The following MEGF10 variants were observed in gnomAD, a reference collection of about 807,000 sequenced individuals.
MEGF10 encodes the protein multiple epidermal growth factor-like domains protein 10.
Under a neutral mutation model 147.5 loss-of-function variants are expected in MEGF10, and 86 were observed. The observed-to-expected ratio is 0.58, with a 90% confidence interval of 0.49 to 0.70. The LOEUF (loss-of-function observed/expected upper bound fraction) is 0.70. Ranked by LOEUF, MEGF10 falls within the 30% of genes least tolerant of loss-of-function variation. MEGF10 has a pLI of 0.00. For synonymous variants in MEGF10, 478 were observed against 525.5 expected, an observed-to-expected ratio of 0.91 and a Z score of 1.24; for missense variants, 1,329 against 1,487.3, an observed-to-expected ratio of 0.89 and a Z score of 1.75.
chr5:127,256,478 T>C, the MEGF10 span, among the ~76,000 whole-genome samples: 2 of 152,182 alleles, frequency 1.3e-5, no homozygotes, highest in African/African-American at 4.8e-5. Context: ...ATATCCTTTA[T>C]CCTTGATGTT....
chr5:127,264,565 C>T, the MEGF10 span, among the ~76,000 whole-genome samples: 1 of 152,070 alleles, frequency 6.6e-6, no homozygotes, highest in South Asian at 2.1e-4. Context: ...CTCCTTCTCT[C>T]TGTGTCTTCG....
At chr5:127,281,874 T>C in the MEGF10 span, among the ~76,000 whole-genome samples, 2 of 152,214 alleles carry the variant, frequency 1.3e-5, no homozygotes, top group African/African-American at 4.8e-5. Flanking sequence ...GCTGTGCTCC[T>C]CCACTAGCAG....
At chr5:127,238,866 T>A in the MEGF10 span, among the ~76,000 whole-genome samples, 1,381 of 152,318 alleles carry the variant, frequency 9.1e-3, 30 homozygotes, top group African/African-American at 0.032. Context: ...GCAGTCCTTG[T>A]CTGGTTTCCA....
chr5:127,302,488 G>A (rs1479147643), intron 1 of MEGF10, among the ~76,000 whole-genome samples: 1 of 152,178 alleles, frequency 6.6e-6, no homozygotes, highest in Non-Finnish European at 1.5e-5. Flanking sequence ...AAAATTAGGA[G>A]TGACTGTTTG....
the MEGF10 span, among the ~76,000 whole-genome samples, chr5:127,241,357 C>A: frequency 6.6e-6 from 1 of 152,124 alleles, no homozygotes; most frequent in African/African-American, 2.4e-5. Flanking sequence ...TTGCTACTGT[C>A]ATTCTCAGGT....
chr5:127,424,061 T>G (rs1170281155), intron 13 of MEGF10, among the ~76,000 whole-genome samples: 2 of 152,190 alleles, frequency 1.3e-5, no homozygotes, highest in Non-Finnish European at 2.9e-5. Context: ...CAATATGAGG[T>G]AGGGGTCCAA....
At chr5:127,400,774 C>T (rs1319592417) in intron 7 of MEGF10, among the ~76,000 whole-genome samples, 1 of 152,256 alleles carries the variant, frequency 6.6e-6, no homozygotes, top group South Asian at 2.1e-4. Flanking sequence ...CAGATGGACC[C>T]CTCCCTAGCA....
At chr5:127,455,979 G>A (rs796109560) in intron 24 of MEGF10, among the ~76,000 whole-genome samples, 28 of 152,162 alleles carry the variant, frequency 1.8e-4, no homozygotes, top group African/African-American at 5.3e-4. Flanking sequence ...TGTTTTTAGC[G>A]ATCATATTAA....
At chr5:127,362,935 T>C (rs548915136) in intron 4 of MEGF10, among the ~76,000 whole-genome samples, 1 of 152,316 alleles carries the variant, frequency 6.6e-6, no homozygotes, top group Admixed American at 6.5e-5. Context: ...AACTGTTAGT[T>C]GTATTGTTTT....
intron 4 of MEGF10, among the ~76,000 whole-genome samples, chr5:127,346,548 T>G (rs943886119): frequency 1.1e-4 from 17 of 152,184 alleles, no homozygotes; most frequent in Non-Finnish European, 2.2e-4. Context: ...CACTTTTTGA[T>G]GGGATTGTTT....
At chr5:127,306,769 C>A (rs1400811453) in intron 1 of MEGF10, among the ~76,000 whole-genome samples, 1 of 152,204 alleles carries the variant, frequency 6.6e-6, no homozygotes, top group African/African-American at 2.4e-5. Flanking sequence ...GCGGAGCTAC[C>A]TAAGGAGAGA....
chr5:127,296,410 A>G (rs1368943338), intron 1 of MEGF10, among the ~76,000 whole-genome samples: 1 of 152,200 alleles, frequency 6.6e-6, no homozygotes, highest in African/African-American at 2.4e-5. Context: ...TCAATTTCCT[A>G]CTTAGAGGGC....
intron 4 of MEGF10, among the ~76,000 whole-genome samples, chr5:127,357,763 G>A (rs1003558613): frequency 6.6e-6 from 1 of 151,980 alleles, no homozygotes; most frequent in African/African-American, 2.4e-5. Flanking sequence ...GGGTTTTAGG[G>A]CCCATACAAT....
chr5:127,281,069 C>T, the MEGF10 span, among the ~76,000 whole-genome samples: 2,510 of 152,268 alleles, frequency 0.016, 59 homozygotes, highest in East Asian at 0.086. Flanking sequence ...GTGTCCAGGG[C>T]TGAAGGCATT....
chr5:127,237,706 G>T, the MEGF10 span, among the ~76,000 whole-genome samples: 1 of 152,074 alleles, frequency 6.6e-6, no homozygotes, highest in Non-Finnish European at 1.5e-5. Context: ...AAGCCTGTGA[G>T]TGGTAGAAAG....
At chr5:127,274,966 C>T in the MEGF10 span, among the ~76,000 whole-genome samples, 1 of 152,038 alleles carries the variant, frequency 6.6e-6, no homozygotes, top group East Asian at 1.9e-4. Context: ...AAATTATAAG[C>T]CTCATATTCT....
chr5:127,415,353 T>C (rs1443979286), intron 9 of MEGF10, among the ~76,000 whole-genome samples: 1 of 152,150 alleles, frequency 6.6e-6, no homozygotes, highest in African/African-American at 2.4e-5. Context: ...TATTAAACAG[T>C]CTGGATTTTT....
At position 127,303,335 on chromosome 5, in the gene MEGF10, C is replaced by CAAAAAAAAAA. The variant is rs1174955274; in HGVS notation, c.-19+12290_-19+12299dup. ...TGGACAACAGATCGAGACTCCATGTCAAAAAAAAAAAAAAAAAAAAGCAAT... is the reference window on the plus strand; with the variant it reads ...TGGACAACAGATCGAGACTCCATGTCAAAAAAAAAAAAAAAAAAAAAAAAAAAAAAGCAAT... On this transcript the variant is annotated intron_variant, in intron 1 of 24. Transcript: ENST00000503335. Among the ~76,000 whole-genome samples the CAAAAAAAAAA allele has an allele frequency of 1.2e-4, 6 of 50,630 alleles. 1 individual carries two copies. The highest frequency in any genetic ancestry group is 4.7e-5 in the Non-Finnish European group (1 of 21,216). 33.2% of individuals were successfully genotyped at this position (50,630 alleles called of 152,430 possible).
At chr5:127,241,870 C>A in the MEGF10 span, among the ~76,000 whole-genome samples, 1 of 152,146 alleles carries the variant, frequency 6.6e-6, no homozygotes, top group South Asian at 2.1e-4. Flanking sequence ...CACTGAGGAG[C>A]CCAAAGGCTA....
Sources: allele counts gnomAD v4.1 joint callset (sites outside exome capture counted in the v4.1 genomes callset), GRCh38; gene constraint gnomAD v4.1.1; transcripts MANE v1.5; gene names NCBI Gene and HGNC (gene_info 2026-07-23, HGNC 2026-07-21).